Variants in EIF5B observed in about 807,000 individuals in gnomAD.
EIF5B encodes eukaryotic translation initiation factor 5B.
EIF5B carries 47 observed loss-of-function variants against 147.5 expected under a neutral mutation model. That is an observed-to-expected ratio of 0.32 (90% CI 0.25 to 0.41). The LOEUF is 0.41. Ranked by LOEUF, EIF5B falls within the 10% of genes least tolerant of loss-of-function variation. The probability of loss-of-function intolerance (pLI) is 1.00; values close to 1 mark genes in which losing one functional copy is unlikely to be tolerated. For missense variants in EIF5B, 1,064 were observed against 1,413.2 expected, an observed-to-expected ratio of 0.75 and a Z score of 3.96; for synonymous variants, 455 against 456.2, an observed-to-expected ratio of 1.00 and a Z score of 0.03.
Position 99,345,559 on chromosome 2 carries a change from G to A in EIF5B, c.35+7970G>A, listed in dbSNP as rs1459793437. On this transcript the variant is annotated intron_variant, in intron 1 of 23. Transcript: ENST00000289371. Reference sequence around the variant, plus strand: ...CAGTGAGCCAGGATTGCACCACTGCGCTCCAGCCTGGGCAATGGAGTGAGA... The same window carrying A: ...CAGTGAGCCAGGATTGCACCACTGCACTCCAGCCTGGGCAATGGAGTGAGA... 2.8e-5 allele frequency among the ~76,000 whole-genome samples: 4 copies of A among 144,426 alleles called. No homozygotes were observed. In the East Asian group the frequency reaches 6.1e-4, roughly 22 times the overall value. The allele number at this position is 144,426 out of a possible 152,430, so 94.7% of individuals were successfully genotyped here. A position where few individuals can be genotyped will look rare whatever the true frequency, so the allele number is the denominator to read the frequency against.
chr2:99,393,145 G>T (rs1465022331), intron 18 of EIF5B, 47 bp downstream of exon 18: 2 of 1,437,006 alleles, frequency 1.4e-6, no homozygotes, highest in Non-Finnish European at 9.2e-7. Flanking sequence ...TTTGAGTTCT[G>T]GCATGTGTCA....
chr2:99,381,518 GGTGTGTGTGTGTGT>G (rs56686088), intron 12 of EIF5B, among the ~76,000 whole-genome samples: 3 of 142,988 alleles, frequency 2.1e-5, no homozygotes, highest in East Asian at 2.1e-4. Flanking sequence ...ACAAAAAGGG[GGTGTGTGTGTGTGT>G]GTGTGTGTGT....
At chr2:99,382,986 A>C in intron 14 of EIF5B, 65 bp downstream of exon 14, 1 of 1,486,934 alleles carries the variant, frequency 6.7e-7, no homozygotes. Flanking sequence ...TGATTAAAAA[A>C]AGTAGTATAA....
chr2:99,371,580 A>C, intron 8 of EIF5B, 76 bp from the exon 9 acceptor site: 1 of 1,235,940 alleles, frequency 8.1e-7, no homozygotes, highest in Non-Finnish European at 1.1e-6. Context: ...TCAGAGCATA[A>C]TTTTTTACTT....
chr2:99,355,621 T>TC (rs1410075501), intron 1 of EIF5B, among the ~76,000 whole-genome samples: 1 of 144,586 alleles, frequency 6.9e-6, no homozygotes, highest in Non-Finnish European at 1.5e-5. Flanking sequence ...TTTTTTTTTT[T>TC]TTTTTTTTTG....
intron 14 of EIF5B, among the ~76,000 whole-genome samples, chr2:99,388,436 G>GTT (rs10688695): frequency 0.16 from 23,828 of 151,572 alleles, 2,308 homozygotes; most frequent in African/African-American, 0.25. Flanking sequence ...TGTTTTTTTG[G>GTT]TTTTTTTGTC....
At chr2:99,344,834 A>G (rs2094269135) in intron 1 of EIF5B, among the ~76,000 whole-genome samples, 1 of 152,226 alleles carries the variant, frequency 6.6e-6, no homozygotes, top group Non-Finnish European at 1.5e-5. Context: ...ACATGTGTCC[A>G]TCACCCAGGT....
rs370488674 is a variant in EIF5B, at chr2:99,379,382, A to G, written c.2015A>G (p.Asn672Ser). The G allele has an allele frequency of 5.8e-5, 93 of 1,613,572 alleles. No homozygotes were observed. Among genetic ancestry groups the G allele is most frequent in the East Asian group, 1.1e-4 (5 of 44,874 alleles). Residue 672 changes from asparagine to serine, a missense_variant, in exon 12 of 24, where the codon AAT (asparagine) becomes AGT (serine). Physicochemically the swap from Asn to Ser is conservative, Grantham distance 46 (BLOSUM62 1). This residue lies in a region of EIF5B where 380 missense variants were observed against 715.6 expected (regional missense o/e 0.53). Transcript: ENST00000289371. ...ATCACACAACAAATTGGGGCCACCA[A>G]TGTTCCTCTTGAAGCTATTAATGAA... ...GGITQQIGAT[N>S]VPLEAINEQT...
rs547711920 is a variant in EIF5B at position 99,371,445 on chromosome 2, G to A, written c.1478-211G>A. 2.6e-4 allele frequency among the ~76,000 whole-genome samples: 38 copies of A among 147,210 alleles called. No individual in the cohort carries two copies. The East Asian group carries it at 7.6e-3, about 29-fold the overall frequency. On this transcript the variant is annotated intron_variant, in intron 8 of 23. Coordinates refer to ENST00000289371, the MANE Select transcript of EIF5B (RefSeq NM_015904.4). ...GGAGCTTGCAGTGAGCCGAGATCAC[G>A]CCACCGCACTCCAGCCTGGGCGACA...
intron 1 of EIF5B, among the ~76,000 whole-genome samples, chr2:99,343,586 G>A (rs1306411246): frequency 6.6e-6 from 1 of 151,950 alleles, no homozygotes; most frequent in African/African-American, 2.4e-5. Context: ...GGGAGGCCGA[G>A]GTGGGTGGAT....
chr2:99,354,237 A>G (rs1207126024), intron 1 of EIF5B, among the ~76,000 whole-genome samples: 1 of 152,100 alleles, frequency 6.6e-6, no homozygotes, highest in African/African-American at 2.4e-5. Context: ...TCTCATTGGT[A>G]TGTAGTGATT....
intron 1 of EIF5B, among the ~76,000 whole-genome samples, chr2:99,346,685 C>T (rs1263823832): frequency 2.0e-5 from 3 of 146,448 alleles, no homozygotes; most frequent in Non-Finnish European, 3.0e-5. Context: ...ATTCTCCTGC[C>T]TCAGCCTCTC....
intron 3 of EIF5B, 39 bp from the exon 4 acceptor site, chr2:99,361,103 CAATTAT>C: frequency 6.9e-7 from 1 of 1,442,564 alleles, no homozygotes; most frequent in Non-Finnish European, 9.2e-7. Context: ...ACTCTGGTCT[CAATTAT>C]AATTCTGTTA....
At chr2:99,349,816 C>T (rs1259690713) in intron 1 of EIF5B, among the ~76,000 whole-genome samples, 2 of 152,080 alleles carry the variant, frequency 1.3e-5, no homozygotes, top group Non-Finnish European at 2.9e-5. Context: ...TAAGAACATT[C>T]CAAATGCTCT....
chr2:99,355,886 T>G (rs564439683), intron 1 of EIF5B, among the ~76,000 whole-genome samples: 2 of 152,310 alleles, frequency 1.3e-5, no homozygotes, highest in East Asian at 3.9e-4. Flanking sequence ...GTGCTGGGAT[T>G]ACAGGCGTGA....
intron 13 of EIF5B, 84 bp from the exon 14 acceptor site, chr2:99,382,696 G>C: frequency 7.5e-7 from 1 of 1,330,126 alleles, no homozygotes; most frequent in Non-Finnish European, 1.0e-6. Context: ...ATTTTGTTTG[G>C]GTTTTACAGA....
intron 12 of EIF5B, among the ~76,000 whole-genome samples, chr2:99,380,228 C>T (rs551621793): frequency 6.6e-5 from 10 of 151,732 alleles, no homozygotes; most frequent in African/African-American, 2.2e-4. Flanking sequence ...TTTTGTTTGC[C>T]CTTCATAGAG....
intron 6 of EIF5B, among the ~76,000 whole-genome samples, chr2:99,366,761 C>A (rs926216066): frequency 2.6e-5 from 4 of 151,894 alleles, no homozygotes; most frequent in Admixed American, 6.5e-5. Context: ...ATGAAGAGAC[C>A]AGAGAGTTAG....
In EIF5B at chr2:99,345,497, G is replaced by A. The variant is rs374905163; in HGVS notation, c.35+7908G>A. 1.2e-4 allele frequency among the ~76,000 whole-genome samples: 18 copies of A among 151,786 alleles called. No homozygotes were observed. In the East Asian group the frequency reaches 1.7e-3, roughly 15 times the overall value. On this transcript the variant is annotated intron_variant, in intron 1 of 23. Transcript: ENST00000289371. ...TAATCCCAGCTACTTGGGAGGCTGA[G>A]GCATAAGAATTGCTTGAACCCGGGA...
Sources: gnomAD v4.1 joint callset for allele counts (sites outside exome capture counted in the v4.1 genomes callset) on GRCh38, gnomAD v4.1.1 for gene constraint, gnomAD v4.1.1 regional missense constraint, MANE v1.5 for transcripts, NCBI Gene and HGNC (gene_info 2026-07-23, HGNC 2026-07-21) for gene names.